KCTD8: variants seen among roughly 807,000 people sequenced by gnomAD.
KCTD8 encodes the protein potassium channel tetramerization domain containing 8, also known as BTB/POZ domain-containing protein KCTD8.
A neutral mutation model predicts 31.5 loss-of-function variants in KCTD8; 27 were observed. That is an observed-to-expected ratio of 0.86 (90% confidence interval 0.63 to 1.18). The LOEUF (loss-of-function observed/expected upper bound fraction) is 1.18. KCTD8 is among the 50% of genes most tolerant of loss of function. The pLI, the probability that KCTD8 is intolerant of heterozygous loss-of-function variation, is 0.00. For missense variants in KCTD8, 658 were observed against 647.7 expected, an observed-to-expected ratio of 1.02 and a Z score of -0.17; for synonymous variants, 290 against 280.0, an observed-to-expected ratio of 1.04 and a Z score of -0.36.
chr4:44,420,653 C>T (rs946906868), intron 1 of KCTD8, among the ~76,000 whole-genome samples: 5 of 152,106 alleles, frequency 3.3e-5, no homozygotes, highest in Admixed American at 3.3e-4. Flanking sequence ...CTAGGAGCTG[C>T]AAATACAGGG....
chr4:44,448,662 G>C lies in KCTD8; in HGVS notation c.-139C>G, dbSNP rs1011866324. The C allele has an allele frequency of 4.6e-5, 44 of 957,454 alleles. No homozygotes were observed. The highest frequency in any genetic ancestry group is 5.6e-5 in the Non-Finnish European group (41 of 733,694). 59.3% of individuals were successfully genotyped at this position (957,454 alleles called of 1,614,324 possible). A position where few individuals can be genotyped will look rare whatever the true frequency, so the allele number is the denominator to read the frequency against. On this transcript the variant is annotated 5_prime_UTR_variant, in exon 1 of 2. Transcript: ENST00000360029. The surrounding 1 kb of genome is among the most constrained non-coding windows in gnomAD (Gnocchi z 4.1). ...GCGTTCCTCCGACCGGGGCGGCCCC[G>C]CTCAGGGTTCGGGGCAGCGGCGGCG...
chr4:44,347,593 T>C (rs191718900), intron 1 of KCTD8, among the ~76,000 whole-genome samples: 10 of 152,304 alleles, frequency 6.6e-5, no homozygotes, highest in Admixed American at 5.2e-4. Context: ...TAAACATCTT[T>C]AGTTGACAAG....
intron 1 of KCTD8, among the ~76,000 whole-genome samples, chr4:44,329,572 A>C (rs1405590721): frequency 6.6e-6 from 1 of 151,988 alleles, no homozygotes; most frequent in Non-Finnish European, 1.5e-5. Flanking sequence ...ATATAGATGT[A>C]ACACATCCAT....
At chr4:44,232,633 GT>G (rs1279397480) in intron 1 of KCTD8, among the ~76,000 whole-genome samples, 2 of 152,078 alleles carry the variant, frequency 1.3e-5, no homozygotes, top group African/African-American at 4.8e-5. Flanking sequence ...CTTTGCATTA[GT>G]TTTATCTTCT....
chr4:44,433,176 G>C (rs1721544128), intron 1 of KCTD8, among the ~76,000 whole-genome samples: 1 of 148,952 alleles, frequency 6.7e-6, no homozygotes, highest in Non-Finnish European at 1.5e-5. Context: ...CAGAAGCAGG[G>C]ACTCACTCAT....
At chr4:44,228,602 T>C (rs947204357) in intron 1 of KCTD8, among the ~76,000 whole-genome samples, 1 of 152,214 alleles carries the variant, frequency 6.6e-6, no homozygotes, top group African/African-American at 2.4e-5. Context: ...GCAAAACTGC[T>C]CTTTGCATCT....
At chr4:44,309,242 G>C (rs1005485859) in intron 1 of KCTD8, among the ~76,000 whole-genome samples, 4 of 151,386 alleles carry the variant, frequency 2.6e-5, no homozygotes, top group Non-Finnish European at 4.4e-5. Context: ...TTTTTGCCAT[G>C]TTGCCCAGGC....
chr4:44,258,837 C>A (rs993133258), intron 1 of KCTD8, among the ~76,000 whole-genome samples: 2 of 151,660 alleles, frequency 1.3e-5, no homozygotes, highest in African/African-American at 2.4e-5. Context: ...AATAAAAAAC[C>A]ACCACTTAAG....
chr4:44,257,103 T>C (rs1399045145), intron 1 of KCTD8, among the ~76,000 whole-genome samples: 2 of 151,984 alleles, frequency 1.3e-5, no homozygotes, highest in Non-Finnish European at 2.9e-5. Flanking sequence ...TAGGGGAAGA[T>C]TAGAGCCTGT....
chr4:44,318,224 C>G (rs929069800), intron 1 of KCTD8, among the ~76,000 whole-genome samples: 1 of 152,114 alleles, frequency 6.6e-6, no homozygotes, highest in African/African-American at 2.4e-5. Flanking sequence ...TGATGTCATA[C>G]TGTCTGTTTT....
intron 1 of KCTD8, among the ~76,000 whole-genome samples, chr4:44,348,217 G>C (rs1439539386): frequency 6.6e-6 from 1 of 152,140 alleles, no homozygotes; most frequent in Non-Finnish European, 1.5e-5. Context: ...AAATGGCACA[G>C]TTAATTGGGC....
chr4:44,248,192 A>G (rs920950690), intron 1 of KCTD8, among the ~76,000 whole-genome samples: 3 of 151,930 alleles, frequency 2.0e-5, no homozygotes, highest in Non-Finnish European at 4.4e-5. Context: ...TTTTAGTATG[A>G]CATGAAACAA....
chr4:44,408,627 T>C (rs1241545067), intron 1 of KCTD8, among the ~76,000 whole-genome samples: 1 of 152,106 alleles, frequency 6.6e-6, no homozygotes, highest in African/African-American at 2.4e-5. Context: ...GGGTGTTTGT[T>C]TGTTTGTTTT....
chr4:44,197,752 A>C (rs993799217), intron 1 of KCTD8, among the ~76,000 whole-genome samples: 4 of 152,194 alleles, frequency 2.6e-5, no homozygotes, highest in Non-Finnish European at 5.9e-5. Flanking sequence ...TCAAAAAGCC[A>C]GTGTGTCCCC....
chr4:44,423,473 C>G (rs774071306), intron 1 of KCTD8, among the ~76,000 whole-genome samples: 1 of 152,098 alleles, frequency 6.6e-6, no homozygotes, highest in African/African-American at 2.4e-5. Flanking sequence ...TTAACTGACA[C>G]AGCTGTGATT....
intron 1 of KCTD8, among the ~76,000 whole-genome samples, chr4:44,411,181 A>T (rs1211392420): frequency 6.6e-6 from 1 of 152,118 alleles, no homozygotes; most frequent in Non-Finnish European, 1.5e-5. Flanking sequence ...GAAAAGGTAC[A>T]AAAGTGGGCC....
At chr4:44,365,354 A>G (rs76321578) in intron 1 of KCTD8, among the ~76,000 whole-genome samples, 13,815 of 152,214 alleles carry the variant, frequency 0.091, 667 homozygotes, top group Middle Eastern at 0.13. Flanking sequence ...AAACGCATCT[A>G]GTTCCACCAA....
chr4:44,374,177 C>T (rs1029206569), intron 1 of KCTD8, among the ~76,000 whole-genome samples: 5 of 152,014 alleles, frequency 3.3e-5, no homozygotes, highest in African/African-American at 1.2e-4. Context: ...AACAGGTAGA[C>T]CCAAATTTAA....
intron 1 of KCTD8, among the ~76,000 whole-genome samples, chr4:44,269,592 A>T (rs1172121392): frequency 1.3e-5 from 2 of 152,154 alleles, no homozygotes. Context: ...CTACCATCAG[A>T]GTGAACAGGT....
Sources: gnomAD v4.1 joint callset for allele counts (sites outside exome capture counted in the v4.1 genomes callset) on GRCh38, gnomAD v4.1.1 for gene constraint, Gnocchi (gnomAD v3.1) non-coding constraint, MANE v1.5 for transcripts, NCBI Gene and HGNC (gene_info 2026-07-23, HGNC 2026-07-21) for gene names.